MINAR2: variants seen among roughly 807,000 people sequenced by gnomAD.
MINAR2 encodes the protein membrane integral NOTCH2 associated receptor 2.
In MINAR2, 21 loss-of-function variants were observed where a neutral mutation model predicts 16.1. The observed-to-expected ratio is 1.31, with a 90% CI of 0.93 to 1.88. The LOEUF is 1.88. Among genes scored for constraint, MINAR2 ranks in the 40% most tolerant of loss-of-function variants. MINAR2 has a pLI of 0.00. For synonymous variants in MINAR2, 86 were observed against 83.0 expected, an observed-to-expected ratio of 1.04 and a Z score of -0.20; for missense variants, 259 against 229.8, an observed-to-expected ratio of 1.13 and a Z score of -0.82.
intron 2 of MINAR2, among the ~76,000 whole-genome samples, chr5:129,761,416 G>A (rs1000713883): frequency 1.3e-5 from 2 of 151,924 alleles, no homozygotes; most frequent in African/African-American, 2.4e-5. Context: ...TTAAGCACTC[G>A]AGAATTTTTT....
At chr5:129,761,969 A>C (rs910936066) in intron 2 of MINAR2, among the ~76,000 whole-genome samples, 9 of 151,992 alleles carry the variant, frequency 5.9e-5, no homozygotes, top group African/African-American at 2.2e-4. Flanking sequence ...AACAATGAGA[A>C]CACATGGACA....
At chr5:129,760,848 T>C (rs1411006433) in intron 2 of MINAR2, among the ~76,000 whole-genome samples, 2 of 152,186 alleles carry the variant, frequency 1.3e-5, no homozygotes, top group African/African-American at 2.4e-5. Context: ...AAAAGCCATG[T>C]GGTACAGAAC....
intron 2 of MINAR2, among the ~76,000 whole-genome samples, chr5:129,762,230 A>T (rs1469243298): frequency 6.6e-6 from 1 of 152,146 alleles, no homozygotes; most frequent in Non-Finnish European, 1.5e-5. Context: ...TATATAGAAA[A>T]CTAGCACATG....
At chr5:129,763,424 G>A (rs925286140) in intron 2 of MINAR2, among the ~76,000 whole-genome samples, 11 of 152,102 alleles carry the variant, frequency 7.2e-5, no homozygotes, top group African/African-American at 2.7e-4. Context: ...AGTCCCTGTG[G>A]TCACTCCCAT....
chr5:129,748,362 T>A lies in MINAR2; in HGVS notation c.165+7T>A, dbSNP rs774937513. The A allele has an allele frequency of 6.5e-7, 1 of 1,530,988 alleles. No homozygotes were observed. The highest frequency in any genetic ancestry group is 1.2e-5 in the South Asian group (1 of 83,268). The allele number at this position is 1,530,988 out of a possible 1,614,324, so 94.8% of individuals were successfully genotyped here. A position where few individuals can be genotyped will look rare whatever the true frequency, so the allele number is the denominator to read the frequency against. ...AAACCTTGTCTACTCACAGGTAAGA[T>A]CTAGGGGCACAAAAATACGGGGATG... On this transcript the variant is annotated splice_region_variant and intron_variant, in intron 1 of 2. Transcript: ENST00000564719.
Position 129,748,423 on chromosome 5 carries a change from C to A in MINAR2, c.165+68C>A, listed in dbSNP as rs563222751. On this transcript the variant is annotated intron_variant, in intron 1 of 2. Transcript: ENST00000564719. ...TCTTTCTCGCTATCTGCCATTTCAC[C>A]ATTTATGCAACAAGAAGCCTATAGG... The A allele has an allele frequency of 3.1e-5, 46 of 1,461,044 alleles. No homozygotes were observed. In the South Asian group the frequency reaches 5.9e-4, roughly 19 times the overall value. 90.5% of individuals were successfully genotyped at this position (1,461,044 alleles called of 1,614,324 possible).
chr5:129,750,657 G>T (rs1187451551), intron 1 of MINAR2, among the ~76,000 whole-genome samples: 2 of 152,106 alleles, frequency 1.3e-5, no homozygotes, highest in Non-Finnish European at 2.9e-5. Context: ...GAATATGTAT[G>T]GAAGTATGTA....
chr5:129,764,881 T>C lies in MINAR2; in HGVS notation c.394-3T>C. 1 of 1,304,314 alleles carries C rather than the reference T, an allele frequency of 7.7e-7. No individual in the cohort carries two copies. Among genetic ancestry groups the C allele is most frequent in the Non-Finnish European group, 9.8e-7 (1 of 1,024,142 alleles). The allele number at this position is 1,304,314 out of a possible 1,614,324, so 80.8% of individuals were successfully genotyped here. A position where few individuals can be genotyped will look rare whatever the true frequency, so the allele number is the denominator to read the frequency against. On this transcript the variant is annotated splice_region_variant and splice_polypyrimidine_tract_variant and intron_variant, in intron 2 of 2. Coordinates refer to ENST00000564719, the MANE Select transcript of MINAR2 (RefSeq NM_001257308.2). ...TCATATTCTCTATGTAATTTTCTTT[T>C]AGGAAAATCCTAATGACCTGCGGTT...
chr5:129,760,717 T>G (rs1171100757), intron 2 of MINAR2, 112 bp downstream of exon 2: 58 of 779,042 alleles, frequency 7.4e-5, no homozygotes, highest in Middle Eastern at 2.4e-4. Context: ...GCAGAATCTC[T>G]AGATTTCAGA....
intron 1 of MINAR2, among the ~76,000 whole-genome samples, chr5:129,750,863 G>A (rs901531164): frequency 1.3e-5 from 2 of 152,104 alleles, no homozygotes; most frequent in African/African-American, 2.4e-5. Context: ...GTCAACCTGC[G>A]TGACTAAACC....
chr5:129,748,380 C>T (rs1272286242), intron 1 of MINAR2, 25 bp downstream of exon 1: 14 of 1,527,974 alleles, frequency 9.2e-6, no homozygotes, highest in Middle Eastern at 1.9e-4. Context: ...CACAAAAATA[C>T]GGGGATGGAG....
At position 129,760,495 on chromosome 5, in the gene MINAR2, GGTGACCTAA is replaced by G; in HGVS notation, c.286_294del (p.Asp96_Ser98del). The G allele has an allele frequency of 6.5e-7, 1 of 1,535,694 alleles. No individual in the cohort carries two copies. Among genetic ancestry groups the G allele is most frequent in the Non-Finnish European group, 8.7e-7 (1 of 1,146,582 alleles). ...AGTTATGAAGAATAACCCACTCTATGGTGACCTAAGTTTGGAGGAAGCTATGGAAGAAAG... is the reference window on the plus strand; with the variant it reads ...AGTTATGAAGAATAACCCACTCTATGGTTTGGAGGAAGCTATGGAAGAAAG... On this transcript the variant is annotated inframe_deletion, in exon 2 of 3. Transcript: ENST00000564719.
At chr5:129,753,090 G>GT (rs1554113483) in intron 1 of MINAR2, among the ~76,000 whole-genome samples, 12 of 151,680 alleles carry the variant, frequency 7.9e-5, no homozygotes, top group Non-Finnish European at 1.6e-4. Context: ...TTTATCATGG[G>GT]TTTTTTTTTG....
rs1327186214 is a variant in MINAR2 at position 129,748,172 on chromosome 5, A to G, written c.-19A>G. 5.9e-6 allele frequency: 9 copies of G among 1,533,156 alleles called. No individual in the cohort carries two copies. In the Admixed American group the frequency reaches 1.8e-4, roughly 30 times the overall value. 95.0% of individuals were successfully genotyped at this position (1,533,156 alleles called of 1,614,324 possible). Reference sequence around the variant, plus strand: ...GCAGCTTTGCCTGTCTTTGTTTTCCACTGTAGGTGAAGGGAGACATGGATC... The same window carrying G: ...GCAGCTTTGCCTGTCTTTGTTTTCCGCTGTAGGTGAAGGGAGACATGGATC... On this transcript the variant is annotated 5_prime_UTR_variant, in exon 1 of 3. Coordinates refer to ENST00000564719, the MANE Select transcript of MINAR2 (RefSeq NM_001257308.2).
At chr5:129,752,742 A>T (rs184513834) in intron 1 of MINAR2, among the ~76,000 whole-genome samples, 62 of 151,924 alleles carry the variant, frequency 4.1e-4, no homozygotes, top group Admixed American at 3.2e-3. Context: ...AGTATAATTT[A>T]AAAAAATTCA....
At chr5:129,763,839 T>C (rs1322236320) in intron 2 of MINAR2, among the ~76,000 whole-genome samples, 1 of 152,206 alleles carries the variant, frequency 6.6e-6, no homozygotes, top group Non-Finnish European at 1.5e-5. Flanking sequence ...GCTAGTTCAT[T>C]GACCCCTGAT....
At chr5:129,757,434 C>T (rs1758069947) in intron 1 of MINAR2, among the ~76,000 whole-genome samples, 1 of 151,840 alleles carries the variant, frequency 6.6e-6, no homozygotes, top group Non-Finnish European at 1.5e-5. Context: ...ATATTTTAGG[C>T]ATTTCTGTTG....
At chr5:129,759,215 T>A (rs1478225828) in intron 1 of MINAR2, among the ~76,000 whole-genome samples, 1 of 152,134 alleles carries the variant, frequency 6.6e-6, no homozygotes, top group Non-Finnish European at 1.5e-5. Context: ...ATAAAATTCC[T>A]ATTAAATATT....
rs1274449074 is a variant in MINAR2 at position 129,764,999 on chromosome 5, T to C, written c.509T>C (p.Leu170Pro). ...CATTCAAAATTCTGTCGTATGGGTC[T>C]GATTTTACTTGTCGTTATCTCCATC... ...EKHSKFCRMG[L>P]ILLVVISILV... Residue 170 changes from leucine (L) to proline (P), a missense_variant, in exon 3 of 3, where the codon CTG becomes CCG. By Grantham distance (98) the Leu-to-Pro change is moderately conservative. Transcript: ENST00000564719. The C allele has an allele frequency of 1.5e-6, 2 of 1,367,998 alleles. No homozygotes were observed. The highest frequency in any genetic ancestry group is 2.8e-5 in the East Asian group (1 of 35,836). The allele number at this position is 1,367,998 out of a possible 1,614,324, so 84.7% of individuals were successfully genotyped here. A position where few individuals can be genotyped will look rare whatever the true frequency, so the allele number is the denominator to read the frequency against.
Sources: allele counts gnomAD v4.1 joint callset (sites outside exome capture counted in the v4.1 genomes callset), GRCh38; gene constraint gnomAD v4.1.1; transcripts MANE v1.5; gene names NCBI Gene and HGNC (gene_info 2026-07-23, HGNC 2026-07-21).